TMED3: variants seen among roughly 807,000 people sequenced by gnomAD.
The protein encoded by TMED3 is transmembrane emp24 domain-containing protein 3.
A neutral mutation model predicts 15.0 loss-of-function variants in TMED3; 9 were observed. That is an observed-to-expected ratio of 0.60 (90% CI 0.36 to 1.04). The LOEUF is 1.04. TMED3 is among the 50% of genes least tolerant of loss of function. The probability of loss-of-function intolerance (pLI) is 0.01; values close to 1 mark genes in which losing one functional copy is unlikely to be tolerated. For missense variants in TMED3, 267 were observed against 278.9 expected, an observed-to-expected ratio of 0.96 and a Z score of 0.30; for synonymous variants, 117 against 121.4, an observed-to-expected ratio of 0.96 and a Z score of 0.24.
At chr15:79,373,792 A>G (rs1213492811) in intron 2 of TMED3, among the ~76,000 whole-genome samples, 2 of 152,186 alleles carry the variant, frequency 1.3e-5, no homozygotes, top group African/African-American at 4.8e-5. Flanking sequence ...TAAGGTACAC[A>G]TTGGTTTGGT....
In TMED3 at chr15:79,333,450, G is replaced by A. The variant is rs143409233; in HGVS notation, c.417+19445G>A. Among the ~76,000 whole-genome samples the A allele has an allele frequency of 1.4e-3, 209 of 152,250 alleles. 1 individual carries two copies. The highest frequency in any genetic ancestry group is 4.7e-3 in the African/African-American group (194 of 41,548). On this transcript the variant is annotated intron_variant, in intron 2 of 2. Transcript: ENST00000424155. Reference sequence around the variant, plus strand: ...TCCTAATATAACGCTAGACATAAGCGTTTGTATGCCCTCAAAACTACTGAG... The same window carrying A: ...TCCTAATATAACGCTAGACATAAGCATTTGTATGCCCTCAAAACTACTGAG...
chr15:79,356,825 C>T (rs1383276285), intron 2 of TMED3, among the ~76,000 whole-genome samples: 1 of 152,112 alleles, frequency 6.6e-6, no homozygotes, highest in East Asian at 1.9e-4. Flanking sequence ...TATTTATAAC[C>T]TCCCCAAACT....
rs564706997 is a variant in TMED3, at chr15:79,363,785, T to G, written c.418-47615T>G. Among the ~76,000 whole-genome samples, 4 of 152,274 alleles carry G rather than the reference T, an allele frequency of 2.6e-5. No homozygotes were observed. In the East Asian group the frequency reaches 7.7e-4, roughly 29 times the overall value. ...CTTTCCATTGTTACCAAACCGAACTTGGGTCCACCCACCTGGTGCAGCAAA... is the reference window on the plus strand; with the variant it reads ...CTTTCCATTGTTACCAAACCGAACTGGGGTCCACCCACCTGGTGCAGCAAA... On this transcript the variant is annotated intron_variant, in intron 2 of 2. Transcript: ENST00000424155.
intron 2 of TMED3, among the ~76,000 whole-genome samples, chr15:79,355,937 G>A (rs967933995): frequency 6.6e-6 from 1 of 152,172 alleles, no homozygotes; most frequent in South Asian, 2.1e-4. Flanking sequence ...TTAAGTGGGA[G>A]GTTTAATTTT....
chr15:79,410,723 C>T (rs959353297), intron 2 of TMED3, among the ~76,000 whole-genome samples: 7 of 146,016 alleles, frequency 4.8e-5, no homozygotes, highest in Admixed American at 1.4e-4. Flanking sequence ...TATACATTCT[C>T]GTAGATGCAT....
At chr15:79,389,321 T>C (rs920410899) in intron 2 of TMED3, among the ~76,000 whole-genome samples, 2 of 152,058 alleles carry the variant, frequency 1.3e-5, no homozygotes, top group African/African-American at 4.8e-5. Flanking sequence ...TAGCCAATTA[T>C]TCCAGCACCA....
intron 2 of TMED3, among the ~76,000 whole-genome samples, chr15:79,342,004 TA>T (rs760748316): frequency 2.0e-5 from 3 of 151,746 alleles, no homozygotes; most frequent in Non-Finnish European, 4.4e-5. Context: ...TGTGACAAAA[TA>T]AAAATGACAC....
rs567616524 is a variant in TMED3 at position 79,408,439 on chromosome 15, G to C, written c.418-2961G>C. Among the ~76,000 whole-genome samples the C allele has an allele frequency of 7.5e-4, 114 of 152,340 alleles. 1 individual carries two copies. The highest frequency in any genetic ancestry group is 2.5e-3 in the African/African-American group (106 of 41,574). On this transcript the variant is annotated intron_variant, in intron 2 of 2. Transcript: ENST00000424155. ...AAGACACTGACTCCCGAGGTGGTCG[G>C]AGCCATAGGGCATCTGCAAGGAAGT... is the stretch of plus-strand genomic sequence containing the variant.
chr15:79,357,302 T>C (rs1469226865), intron 2 of TMED3, among the ~76,000 whole-genome samples: 2 of 150,760 alleles, frequency 1.3e-5, no homozygotes, highest in African/African-American at 4.9e-5. Flanking sequence ...CTGGGCCACA[T>C]AGTGAGACTC....
chr15:79,365,116 A>C (rs1185970796), intron 2 of TMED3, among the ~76,000 whole-genome samples: 1 of 152,086 alleles, frequency 6.6e-6, no homozygotes, highest in Non-Finnish European at 1.5e-5. Context: ...GGCGATTCAC[A>C]CCCCTGCTGA....
chr15:79,314,743 C>T lies in TMED3; in HGVS notation c.417+738C>T, dbSNP rs1380749846. 2.2e-5 allele frequency: 6 copies of T among 277,742 alleles called. No homozygotes were observed. The East Asian group carries it at 3.2e-4, about 15-fold the overall frequency. The allele number at this position is 277,742 out of a possible 1,614,324, so 17.2% of individuals were successfully genotyped here. ...ACAGCTCCACACTATGGAGGAGAAACGGTGACATTTTGGGGGGATAGTCAT... is the reference window on the plus strand; with the variant it reads ...ACAGCTCCACACTATGGAGGAGAAATGGTGACATTTTGGGGGGATAGTCAT... On this transcript the variant is annotated intron_variant, in intron 2 of 2. Transcript: ENST00000299705.
At chr15:79,331,237 G>T (rs1204533052) in intron 2 of TMED3, among the ~76,000 whole-genome samples, 2 of 152,138 alleles carry the variant, frequency 1.3e-5, no homozygotes, top group Admixed American at 6.5e-5. Context: ...CATGAGATTT[G>T]GTGGGGACAT....
At chr15:79,340,943 C>T (rs1269733669) in intron 2 of TMED3, among the ~76,000 whole-genome samples, 2 of 152,090 alleles carry the variant, frequency 1.3e-5, no homozygotes, top group African/African-American at 4.8e-5. Flanking sequence ...CCTGCAATCC[C>T]AGCACTTTGG....
chr15:79,320,018 A>T (rs1488926476), intron 2 of TMED3, among the ~76,000 whole-genome samples: 1 of 152,160 alleles, frequency 6.6e-6, no homozygotes, highest in African/African-American at 2.4e-5. Context: ...CCTCCACAAG[A>T]GGTGGAGGAG....
chr15:79,371,271 T>C (rs1464791265), intron 2 of TMED3, among the ~76,000 whole-genome samples: 65 of 152,186 alleles, frequency 4.3e-4, no homozygotes, highest in Admixed American at 4.3e-3. Flanking sequence ...TATATCTAAA[T>C]CTCTAAAGAT....
chr15:79,315,353 C>T (rs1025526979), intron 2 of TMED3, among the ~76,000 whole-genome samples: 2 of 152,202 alleles, frequency 1.3e-5, no homozygotes, highest in African/African-American at 4.8e-5. Flanking sequence ...ATAGAAAGTT[C>T]CATTGTCCAA....
chr15:79,331,542 CAAAAAAA>C (rs71451761), intron 2 of TMED3, among the ~76,000 whole-genome samples: 1 of 89,288 alleles, frequency 1.1e-5, no homozygotes, highest in African/African-American at 4.9e-5. Flanking sequence ...GCAAAAGAAG[CAAAAAAA>C]AAAAAAAAAA....
intron 2 of TMED3, among the ~76,000 whole-genome samples, chr15:79,353,040 TTA>T (rs572280873): frequency 0.028 from 2,817 of 100,084 alleles, 149 homozygotes; most frequent in African/African-American, 0.11. Context: ...TTTATATATA[TTA>T]TATATATAAA....
intron 2 of TMED3, chr15:79,314,504 GC>G (rs1303330150): frequency 2.0e-5 from 9 of 454,748 alleles, no homozygotes; most frequent in Non-Finnish European, 4.0e-5. Flanking sequence ...AGGAATCCAG[GC>G]TCATTCTTTC....
Sources: gnomAD v4.1 joint callset for allele counts (sites outside exome capture counted in the v4.1 genomes callset) on GRCh38, gnomAD v4.1.1 for gene constraint, MANE v1.5 for transcripts, NCBI Gene and HGNC (gene_info 2026-07-23, HGNC 2026-07-21) for gene names.